The following ZP3 variants were observed in gnomAD, a reference collection of about 807,000 sequenced individuals.
ZP3 encodes zona pellucida glycoprotein 3.
A neutral mutation model predicts 35.6 loss-of-function variants in ZP3; 21 were observed. The ratio of observed to expected loss-of-function variants is 0.59; its 90% CI spans 0.42 to 0.85. The LOEUF is 0.85. Ranked by LOEUF, ZP3 falls within the 40% of genes least tolerant of loss-of-function variation. The pLI is 0.00. For synonymous variants in ZP3, 207 were observed against 214.5 expected (o/e 0.96, Z 0.31); for missense variants, 437 against 536.5 (o/e 0.81, Z 1.83).
chr7:76,410,722 A>T (rs1298145207), intron 1 of ZP3, among the ~76,000 whole-genome samples: 1 of 151,810 alleles, frequency 6.6e-6, no homozygotes, highest in Non-Finnish European at 1.5e-5. Flanking sequence ...GTACCAGGCG[A>T]GGTGGCTCAT....
At chr7:76,418,550 CAAAAAAAAA>C (rs1203476650) in intron 1 of ZP3, among the ~76,000 whole-genome samples, 4 of 30,052 alleles carry the variant, frequency 1.3e-4, no homozygotes, top group Admixed American at 6.3e-4. Flanking sequence ...GATTTCATCT[CAAAAAAAAA>C]AAAAAAAAAA....
intron 1 of ZP3, among the ~76,000 whole-genome samples, chr7:76,410,019 CTTCTTTTTTTTTCTTTT>C (rs1164797677): frequency 6.6e-6 from 1 of 152,104 alleles, no homozygotes; most frequent in Non-Finnish European, 1.5e-5. Context: ...CTGATTTTGC[CTTCTTTTTTTTTCTTTT>C]TTCTTTTTTT....
At chr7:76,421,345 G>A (rs1013838224), upstream of ZP3, among the ~76,000 whole-genome samples, 9 of 151,938 alleles carry the variant, frequency 5.9e-5, no homozygotes, top group African/African-American at 2.2e-4. Context: ...AACCCAAGTA[G>A]CTAGGTTCCC....
At chr7:76,423,026 A>AGAGAAAGAAG (rs1805550673), upstream of ZP3, among the ~76,000 whole-genome samples, 4 of 52,840 alleles carry the variant, frequency 7.6e-5, no homozygotes, top group African/African-American at 2.8e-4. Context: ...AGAGAGAGAG[A>AGAGAAAGAAG]GAAAGAAAGA....
rs3972771 is a variant in ZP3, at chr7:76,437,661, AT to A, written c.832-2572del. 8.1e-3 allele frequency among the ~76,000 whole-genome samples: 1,052 copies of A among 129,256 alleles called. 1 individual carries two copies. Among genetic ancestry groups the A allele is most frequent in the African/African-American group, 0.025 (801 of 32,504 alleles). The allele number at this position is 129,256 out of a possible 152,430, so 84.8% of individuals were successfully genotyped here. Reference sequence around the variant, plus strand: ...GCCACCATGCCCAGCTAATTTCTGTATTTTTTTTTTTTTTTTTAGTAGAGAT... The same window carrying A: ...GCCACCATGCCCAGCTAATTTCTGTATTTTTTTTTTTTTTTTAGTAGAGAT... On this transcript the variant is annotated intron_variant, in intron 5 of 7. Transcript: ENST00000394857.
chr7:76,440,731 C>CCTG (rs1425753704), intron 7 of ZP3, 120 bp downstream of exon 7: 1 of 1,453,998 alleles, frequency 6.9e-7, no homozygotes, highest in East Asian at 2.4e-5. Flanking sequence ...TGTACCTAGG[C>CCTG]CTGCAGCTAC....
chr7:76,433,069 C>T, intron 3 of ZP3, 39 bp downstream of exon 3: 1 of 1,499,546 alleles, frequency 6.7e-7, no homozygotes, highest in Non-Finnish European at 9.1e-7. Flanking sequence ...TGTGGAAAGA[C>T]CTGGGCCATC....
At chr7:76,410,332 A>G (rs1420720290) in intron 1 of ZP3, among the ~76,000 whole-genome samples, 2 of 149,038 alleles carry the variant, frequency 1.3e-5, no homozygotes, top group African/African-American at 5.0e-5. Context: ...CACCCAGCCT[A>G]ATTTTGCCTT....
intron 1 of ZP3, among the ~76,000 whole-genome samples, chr7:76,401,533 C>T (rs1804829050): frequency 6.6e-6 from 1 of 152,192 alleles, no homozygotes; most frequent in African/African-American, 2.4e-5. Context: ...TCTTCTGCCT[C>T]AGCCTCCCGA....
intron 1 of ZP3, among the ~76,000 whole-genome samples, chr7:76,403,328 A>C (rs1409743983): frequency 6.7e-6 from 1 of 150,370 alleles, no homozygotes; most frequent in Non-Finnish European, 1.5e-5. Flanking sequence ...TTACTGATGA[A>C]GAAACTGAGA....
At chr7:76,404,179 A>G (rs545533883) in intron 1 of ZP3, 1 of 1,334,498 alleles carries the variant, frequency 7.5e-7, no homozygotes, top group African/African-American at 1.5e-5. Flanking sequence ...AACTCTGGGC[A>G]AAGGTCAGCA....
chr7:76,438,777 T>C (rs1488278684), intron 5 of ZP3, among the ~76,000 whole-genome samples: 3 of 131,476 alleles, frequency 2.3e-5, no homozygotes. Flanking sequence ...TAGGCTTGAC[T>C]AATAGCAGAG....
Position 76,433,588 on chromosome 7 carries a change from G to A in ZP3, c.654G>A (p.Val218=). The change falls in exon 4 of 8, where the codon GTG becomes GTA. Residue 218 remains valine (V), a synonymous_variant. Coordinates refer to ENST00000394857, the MANE Select transcript of ZP3 (RefSeq NM_001110354.2). The part of the protein sequence containing the change: ...VPLRLFVDHC[V]ATPTPDQNAS... The stretch of plus-strand genomic sequence containing the variant: ...TGCGGTTGTTTGTGGACCACTGCGT[G>A]GCCACACCGACACCAGACCAGAATG... 6.2e-7 allele frequency: 1 copy of A among 1,614,112 alleles called. No homozygotes were observed.
chr7:76,431,177 G>T (rs762516785), intron 2 of ZP3, among the ~76,000 whole-genome samples: 1 of 152,186 alleles, frequency 6.6e-6, no homozygotes, highest in Non-Finnish European at 1.5e-5. Flanking sequence ...AGGCTGACTC[G>T]CAGGAGCTAA....
chr7:76,408,611 G>A (rs951158663), intron 1 of ZP3, among the ~76,000 whole-genome samples: 4 of 152,076 alleles, frequency 2.6e-5, no homozygotes, highest in East Asian at 1.9e-4. Flanking sequence ...CAGCCCAGGC[G>A]TGAGGGAGAA....
chr7:76,430,401 G>A (rs577228478), intron 2 of ZP3, among the ~76,000 whole-genome samples: 1 of 152,108 alleles, frequency 6.6e-6, no homozygotes, highest in Non-Finnish European at 1.5e-5. Flanking sequence ...ATGGGGTGCA[G>A]GGGACTTTGT....
upstream of ZP3, among the ~76,000 whole-genome samples, chr7:76,423,754 C>T (rs1260047370): frequency 6.6e-6 from 1 of 151,646 alleles, no homozygotes; most frequent in Non-Finnish European, 1.5e-5. Flanking sequence ...CCCAGTTACT[C>T]GGGAGAGTAA....
chr7:76,441,316 AGAT>A (rs1330513363), intron 7 of ZP3, among the ~76,000 whole-genome samples: 1 of 149,644 alleles, frequency 6.7e-6, no homozygotes, highest in Non-Finnish European at 1.5e-5. Flanking sequence ...TCTACAAAAA[AGAT>A]GATGTACTAG....
chr7:76,416,829 C>CATACATATATACACACATACATAT lies in ZP3; in HGVS notation c.-66-8220_-66-8219insCATATATACACACATACATATATA, dbSNP rs1563692705. 5.1e-4 allele frequency among the ~76,000 whole-genome samples: 62 copies of CATACATATATACACACATACATAT among 121,192 alleles called. 1 individual carries two copies. The highest frequency in any genetic ancestry group is 4.6e-3 in the East Asian group (18 of 3,946). 79.5% of individuals were successfully genotyped at this position (121,192 alleles called of 152,430 possible). ...CTCTCTCTCTCTCTATATATATATA[C>CATACATATATACACACATACATAT]ATATACATACATATATACACACATA... On this transcript the variant is annotated intron_variant, in intron 1 of 8. Coordinates refer to the ZP3 transcript ENST00000336517.
Sources: allele counts gnomAD v4.1 joint callset (sites outside exome capture counted in the v4.1 genomes callset), GRCh38; gene constraint gnomAD v4.1.1; transcripts MANE v1.5; gene names NCBI Gene and HGNC (gene_info 2026-07-23, HGNC 2026-07-21).